Variants in MYZAP observed in about 807,000 individuals in gnomAD.
MYZAP encodes myocardial zonula adherens protein.
A neutral mutation model predicts 69.4 loss-of-function variants in MYZAP; 66 were observed. The observed-to-expected ratio is 0.95, with a 90% CI of 0.78 to 1.17. The LOEUF is 1.17. Among genes scored for constraint, MYZAP ranks in the 50% most tolerant of loss-of-function variants. The pLI is 0.00. For missense variants in MYZAP, 611 were observed against 556.2 expected (o/e 1.10, Z -0.99); for synonymous variants, 256 against 205.9 (o/e 1.24, Z -2.09).
At chr15:57,621,079 T>A (rs2035777115) in intron 3 of MYZAP, among the ~76,000 whole-genome samples, 1 of 147,858 alleles carries the variant, frequency 6.8e-6, no homozygotes, top group Admixed American at 6.8e-5. Flanking sequence ...ATAATAAAAT[T>A]ATATATATAT....
At chr15:57,617,535 T>C (rs1376007541) in intron 2 of MYZAP, among the ~76,000 whole-genome samples, 1 of 152,172 alleles carries the variant, frequency 6.6e-6, no homozygotes, top group Non-Finnish European at 1.5e-5. Flanking sequence ...CAACAGGTTA[T>C]GTACTAACAC....
intron 12 of MYZAP, among the ~76,000 whole-genome samples, chr15:57,675,325 GTTCC>G (rs1292449222): frequency 2.6e-5 from 4 of 152,080 alleles, no homozygotes; most frequent in Non-Finnish European, 5.9e-5. Flanking sequence ...GAATGCATTT[GTTCC>G]TTCCTTCCTT....
rs541002132 is a variant in MYZAP, at chr15:57,600,985, G to A, written c.76-3284G>A. Among the ~76,000 whole-genome samples the A allele has an allele frequency of 8.6e-4, 131 of 152,192 alleles. 2 individuals are homozygous for A. The South Asian group carries it at 9.2e-3, about 11-fold the overall frequency. On this transcript the variant is annotated intron_variant, in intron 1 of 12. Transcript: ENST00000267853. ...CCCAGCTATTTAGGGGCCTGAGGTC[G>A]GAGAATCACTTGAGCCCAGGAGATT...
intron 1 of MYZAP, among the ~76,000 whole-genome samples, chr15:57,595,998 G>C (rs185719850): frequency 6.6e-6 from 1 of 152,252 alleles, no homozygotes; most frequent in East Asian, 1.9e-4. Context: ...AACCTGTGCC[G>C]GTCAAAAATG....
chr15:57,674,644 A>G (rs2039026775), intron 11 of MYZAP, among the ~76,000 whole-genome samples: 1 of 152,262 alleles, frequency 6.6e-6, no homozygotes, highest in Non-Finnish European at 1.5e-5. Flanking sequence ...TAGTTTGTTG[A>G]CATAAAAAGA....
intron 10 of MYZAP, among the ~76,000 whole-genome samples, chr15:57,650,109 T>G (rs1350451209): frequency 6.6e-6 from 1 of 152,212 alleles, no homozygotes; most frequent in Non-Finnish European, 1.5e-5. Flanking sequence ...AGGACTCCTT[T>G]TATTTTTGGC....
At chr15:57,628,394 T>G (rs1234941728) in intron 5 of MYZAP, among the ~76,000 whole-genome samples, 1 of 152,100 alleles carries the variant, frequency 6.6e-6, no homozygotes, top group Non-Finnish European at 1.5e-5. Context: ...CTCAGCCTCC[T>G]GGGTAGCTGG....
Position 57,646,221 on chromosome 15 carries a change from G to A in MYZAP, c.1119+6676G>A, listed in dbSNP as rs189218502. Reference sequence around the variant, plus strand: ...TGGTAGCCTGCTCTGGGTTGGAAGCGATTCCTTTATTGTTCGTGATTAGAA... The same window carrying A: ...TGGTAGCCTGCTCTGGGTTGGAAGCAATTCCTTTATTGTTCGTGATTAGAA... On this transcript the variant is annotated intron_variant, in intron 10 of 12. Coordinates refer to ENST00000267853, the MANE Select transcript of MYZAP (RefSeq NM_001018100.5). 107 of 1,289,190 alleles carry A rather than the reference G, an allele frequency of 8.3e-5. No homozygotes were observed. In the African/African-American group the frequency reaches 1.2e-3, roughly 15 times the overall value. 79.9% of individuals were successfully genotyped at this position (1,289,190 alleles called of 1,614,324 possible). A position where few individuals can be genotyped will look rare whatever the true frequency, so the allele number is the denominator to read the frequency against.
intron 11 of MYZAP, among the ~76,000 whole-genome samples, chr15:57,674,333 G>A (rs192828172): frequency 2.0e-5 from 3 of 151,916 alleles, no homozygotes; most frequent in African/African-American, 4.8e-5. Flanking sequence ...GCTCTGGCCC[G>A]AAAGAAAAAA....
chr15:57,669,502 G>C (rs79836746), intron 11 of MYZAP, among the ~76,000 whole-genome samples: 3,314 of 152,034 alleles, frequency 0.022, 132 homozygotes, highest in African/African-American at 0.076. Flanking sequence ...TATCCACTCT[G>C]TGTCTCTGTC....
At position 57,633,675 on chromosome 15, in the gene MYZAP, G is replaced by C. The variant is rs148672365; in HGVS notation, c.867G>C (p.Glu289Asp). Residue 289 changes from glutamate (E) to aspartate (D), a missense_variant, in exon 8 of 13, where the codon GAG becomes GAC. Physicochemically the swap from Glu to Asp is conservative, Grantham distance 45. Coordinates refer to ENST00000267853, the MANE Select transcript of MYZAP (RefSeq NM_001018100.5). ...EEANKKMQAA[E>D]ISLEEKDQRI... ...CCAATAAAAAGATGCAAGCAGCAGA[G>C]ATCAGCCTAGAGGAGAAAGACCAGA... The C allele has an allele frequency of 9.1e-4, 1,472 of 1,613,572 alleles. 10 individuals carry two copies. The African/African-American group carries it at 0.018, about 19-fold the overall frequency.
At chr15:57,656,692 G>A (rs78396226) in intron 10 of MYZAP, among the ~76,000 whole-genome samples, 5 of 152,300 alleles carry the variant, frequency 3.3e-5, no homozygotes, top group Non-Finnish European at 7.4e-5. Context: ...CCTTGGGGCC[G>A]GCAGTGCACT....
chr15:57,636,174 G>A (rs2036808172), intron 8 of MYZAP, among the ~76,000 whole-genome samples: 1 of 150,796 alleles, frequency 6.6e-6, no homozygotes. Context: ...GCATTCACTT[G>A]TGAAAGCTTT....
chr15:57,628,834 C>G lies in MYZAP; in HGVS notation c.526-868C>G, dbSNP rs938955276. Among the ~76,000 whole-genome samples the G allele has an allele frequency of 4.6e-5, 7 of 152,162 alleles. 1 individual carries two copies. The highest frequency in any genetic ancestry group is 4.6e-4 in the Admixed American group (7 of 15,290). On this transcript the variant is annotated intron_variant, in intron 5 of 12. Coordinates refer to ENST00000267853, the MANE Select transcript of MYZAP (RefSeq NM_001018100.5). Reference sequence around the variant, plus strand: ...GCGTGGTGGCTCACGCCTGTAATCCCAGCACTTTGGGAGGCCGAGTCAGGT... The same window carrying G: ...GCGTGGTGGCTCACGCCTGTAATCCGAGCACTTTGGGAGGCCGAGTCAGGT...
chr15:57,599,919 C>G (rs1476973387), intron 1 of MYZAP, among the ~76,000 whole-genome samples: 1 of 152,174 alleles, frequency 6.6e-6, no homozygotes, highest in Non-Finnish European at 1.5e-5. Context: ...AAGGATTAGT[C>G]TCTTTCTGGA....
At chr15:57,634,777 A>G (rs2036715802) in intron 8 of MYZAP, among the ~76,000 whole-genome samples, 1 of 152,216 alleles carries the variant, frequency 6.6e-6, no homozygotes, top group Non-Finnish European at 1.5e-5. Flanking sequence ...TAAAGAGTCA[A>G]TTACAATCTC....
At chr15:57,675,143 T>A in intron 12 of MYZAP, 75 bp downstream of exon 12, 1 of 1,310,168 alleles carries the variant, frequency 7.6e-7, no homozygotes, top group Non-Finnish European at 1.1e-6. Flanking sequence ...ACTAGGCTGT[T>A]CTTAGCAGAA....
chr15:57,626,906 C>T (rs1287439523), intron 5 of MYZAP, among the ~76,000 whole-genome samples: 1 of 152,180 alleles, frequency 6.6e-6, no homozygotes, highest in Non-Finnish European at 1.5e-5. Flanking sequence ...CTGAGTCCCA[C>T]CCTTTTCCTG....
chr15:57,649,540 A>G (rs879484068), intron 10 of MYZAP, among the ~76,000 whole-genome samples: 2 of 152,034 alleles, frequency 1.3e-5, no homozygotes, highest in Non-Finnish European at 2.9e-5. Flanking sequence ...GCTCATTTTT[A>G]TATTAGATTG....
Sources: allele counts gnomAD v4.1 joint callset (sites outside exome capture counted in the v4.1 genomes callset), GRCh38; gene constraint gnomAD v4.1.1; transcripts MANE v1.5; gene names NCBI Gene and HGNC (gene_info 2026-07-23, HGNC 2026-07-21).